Variants in CMTM8 observed in about 807,000 individuals in gnomAD.
CMTM8 encodes the protein CKLF-like MARVEL transmembrane domain-containing protein 8.
Under a neutral mutation model 18.6 loss-of-function variants are expected in CMTM8, and 12 were observed. The observed-to-expected ratio is 0.65, with a 90% CI of 0.41 to 1.05. The LOEUF (loss-of-function observed/expected upper bound fraction) is 1.05, where lower values mean the gene tolerates loss of function less well. Ranked by LOEUF, CMTM8 falls within the 50% of genes least tolerant of loss-of-function variation. CMTM8 has a pLI of 0.00. For missense variants in CMTM8, 217 were observed against 227.2 expected (o/e 0.95, Z 0.29); for synonymous variants, 87 against 90.6 (o/e 0.96, Z 0.23).
intron 2 of CMTM8, among the ~76,000 whole-genome samples, chr3:32,366,851 A>T (rs6800528): frequency 6.6e-6 from 1 of 151,906 alleles, no homozygotes; most frequent in Non-Finnish European, 1.5e-5. Flanking sequence ...CGGCAGCCTG[A>T]CCCTGGGTCT....
intron 1 of CMTM8, among the ~76,000 whole-genome samples, chr3:32,352,303 C>A (rs988562489): frequency 6.6e-6 from 1 of 151,858 alleles, no homozygotes; most frequent in Non-Finnish European, 1.5e-5. Context: ...CTACTGTCCT[C>A]GACACTGATG....
At chr3:32,251,926 C>CA (rs1575145846) in intron 1 of CMTM8, among the ~76,000 whole-genome samples, 1 of 151,592 alleles carries the variant, frequency 6.6e-6, no homozygotes, top group East Asian at 1.9e-4. Flanking sequence ...CCGGTCTCTA[C>CA]AAAAAACACA....
At chr3:32,268,714 G>C (rs920717981) in intron 1 of CMTM8, among the ~76,000 whole-genome samples, 1 of 152,150 alleles carries the variant, frequency 6.6e-6, no homozygotes, top group South Asian at 2.1e-4. Flanking sequence ...TTTGTAGGTA[G>C]AGTGGGAAGA....
chr3:32,250,782 A>G (rs950567547), intron 1 of CMTM8, among the ~76,000 whole-genome samples: 3 of 152,194 alleles, frequency 2.0e-5, no homozygotes, highest in Admixed American at 2.0e-4. Flanking sequence ...AAAAAATTAT[A>G]GGGTTTCACC....
rs1206855049 is a variant in CMTM8 at position 32,319,057 on chromosome 3, C to CATACATACATATATATATATATATAT, written c.148-38313_148-38312insCATACATATATATATATATATATATA. On this transcript the variant is annotated intron_variant, in intron 1 of 3. Coordinates refer to ENST00000307526, the MANE Select transcript of CMTM8 (RefSeq NM_178868.5). ...AAATTTATATATATGTGTGTATATA[C>CATACATACATATATATATATATATAT]ATATATATATATATATATTTTTTTT... Among the ~76,000 whole-genome samples, 27 of 45,884 alleles carry CATACATACATATATATATATATATAT rather than the reference C, an allele frequency of 5.9e-4. 3 individuals carry two copies. The highest frequency in any genetic ancestry group is 2.7e-3 in the African/African-American group (27 of 10,176). 30.1% of individuals were successfully genotyped at this position (45,884 alleles called of 152,430 possible).
intron 1 of CMTM8, among the ~76,000 whole-genome samples, chr3:32,261,821 C>T (rs1351696807): frequency 1.3e-5 from 2 of 152,336 alleles, no homozygotes; most frequent in Non-Finnish European, 2.9e-5. Flanking sequence ...GCTTGTCCAT[C>T]CTCTGTACAC....
Position 32,363,073 on chromosome 3 carries a change from C to G in CMTM8, c.322-4799C>G, listed in dbSNP as rs565292037. Among the ~76,000 whole-genome samples, 89 of 152,286 alleles carry G rather than the reference C, an allele frequency of 5.8e-4. No homozygotes were observed. The South Asian group carries it at 0.017, about 29-fold the overall frequency. The stretch of plus-strand genomic sequence containing the variant: ...TTACACAACTCTTTAACAATATGGT[C>G]TCCTTTGAGATGGGTGAGACTTGTA... On this transcript the variant is annotated intron_variant, in intron 2 of 3. Transcript: ENST00000307526.
chr3:32,299,016 G>A (rs2125561838), intron 1 of CMTM8, among the ~76,000 whole-genome samples: 1 of 148,244 alleles, frequency 6.7e-6, no homozygotes, highest in East Asian at 2.0e-4. Flanking sequence ...TTGGACTTCT[G>A]GGCTCAAATG....
chr3:32,359,521 C>T (rs1300701583), intron 2 of CMTM8, among the ~76,000 whole-genome samples: 3 of 152,050 alleles, frequency 2.0e-5, no homozygotes, highest in African/African-American at 7.2e-5. Flanking sequence ...ACCCAGGAGA[C>T]GGAGGTTGTA....
intron 1 of CMTM8, among the ~76,000 whole-genome samples, chr3:32,277,418 T>A (rs184747419): frequency 6.6e-6 from 1 of 151,966 alleles, no homozygotes; most frequent in Non-Finnish European, 1.5e-5. Context: ...TTTCTTTTTT[T>A]GTTGAGACAG....
intron 1 of CMTM8, among the ~76,000 whole-genome samples, chr3:32,316,445 G>C (rs1695933388): frequency 6.6e-6 from 1 of 152,138 alleles, no homozygotes. Context: ...CCAGATCCTT[G>C]GTGTTTACAC....
chr3:32,248,077 A>G (rs889565886), intron 1 of CMTM8, among the ~76,000 whole-genome samples: 6 of 152,206 alleles, frequency 3.9e-5, no homozygotes, highest in Admixed American at 3.3e-4. Context: ...AAATATTTCA[A>G]TGATGTATAC....
intron 1 of CMTM8, among the ~76,000 whole-genome samples, chr3:32,297,224 G>T (rs1702895365): frequency 6.6e-6 from 1 of 152,010 alleles, no homozygotes; most frequent in Admixed American, 6.6e-5. Context: ...TGTTGCCCAG[G>T]CTGGAGTGCA....
intron 2 of CMTM8, among the ~76,000 whole-genome samples, chr3:32,361,286 G>GTTTTTTTTTTGTTTTGTTTT (rs58364646): frequency 2.3e-5 from 2 of 87,230 alleles, no homozygotes; most frequent in African/African-American, 8.0e-5. Context: ...CAGCCTAAGA[G>GTTTTTTTTTTGTTTTGTTTT]TTTTTTTTTC....
At chr3:32,319,074 A>ATATATATATATATATATTTTTTTTTTT in intron 1 of CMTM8, among the ~76,000 whole-genome samples, 10 of 31,526 alleles carry the variant, frequency 3.2e-4, no homozygotes, top group East Asian at 1.6e-3. Context: ...ATATATATAT[A>ATATATATATATATATATTTTTTTTTTT]TTTTTTTTTT....
At chr3:32,312,774 A>T (rs73069419) in intron 1 of CMTM8, among the ~76,000 whole-genome samples, 2,410 of 150,992 alleles carry the variant, frequency 0.016, 29 homozygotes, top group Middle Eastern at 0.038. Context: ...CCCCCTAGCA[A>T]CCGCCCCCGA....
At chr3:32,356,846 A>G (rs1167222622) in intron 1 of CMTM8, among the ~76,000 whole-genome samples, 3 of 152,220 alleles carry the variant, frequency 2.0e-5, no homozygotes, top group Admixed American at 6.5e-5. Flanking sequence ...ATTTAAAATC[A>G]AGATTATTAT....
intron 1 of CMTM8, among the ~76,000 whole-genome samples, chr3:32,241,114 C>T (rs1159562585): frequency 6.6e-6 from 1 of 152,142 alleles, no homozygotes; most frequent in Non-Finnish European, 1.5e-5. Context: ...AAGATTCGGT[C>T]CTACAGGCAG....
intron 1 of CMTM8, among the ~76,000 whole-genome samples, chr3:32,254,977 T>C (rs546513622): frequency 6.6e-6 from 1 of 152,374 alleles, no homozygotes; most frequent in African/African-American, 2.4e-5. Context: ...AATTTGCCTA[T>C]TTTGGACATT....
Sources: gnomAD v4.1 joint callset for allele counts (sites outside exome capture counted in the v4.1 genomes callset) on GRCh38, gnomAD v4.1.1 for gene constraint, MANE v1.5 for transcripts, NCBI Gene and HGNC (gene_info 2026-07-23, HGNC 2026-07-21) for gene names.